PKD1L1: variants seen among roughly 807,000 people sequenced by gnomAD.
PKD1L1 encodes the protein polycystin-1-like protein 1.
PKD1L1 carries 236 observed loss-of-function variants against 323.4 expected under a neutral mutation model. The ratio of observed to expected loss-of-function variants is 0.73; its 90% CI spans 0.66 to 0.81. The LOEUF is 0.81. PKD1L1 is among the 40% of genes least tolerant of loss of function. The pLI is 0.00. For missense variants in PKD1L1, 3,320 were observed against 3,508.0 expected (o/e 0.95, Z 1.35); for synonymous variants, 1,344 against 1,335.0 (o/e 1.01, Z -0.15).
In PKD1L1 at chr7:47,885,848, C is replaced by T. The variant is rs775687442; in HGVS notation, c.3043G>A (p.Gly1015Arg). ...PRGTPTEPMTGVYWIPPAGDS... is the reference protein window; with the variant it reads ...PRGTPTEPMTRVYWIPPAGDS... ...CCCGCAGGAGGAATCCAGTAGACTC[C>T]AGTCATGGGCTCTGTGGGGGTTCCC... The change falls in exon 18 of 57, where the codon GGA becomes AGA. Residue 1015 changes from glycine to arginine, a missense_variant. By Grantham distance (125) the Gly-to-Arg change is moderately radical. Coordinates refer to ENST00000289672, the MANE Select transcript of PKD1L1 (RefSeq NM_138295.5). 19 of 1,614,084 alleles carry T rather than the reference C, an allele frequency of 1.2e-5. No individual in the cohort carries two copies. The Admixed American group carries it at 3.0e-4, about 25-fold the overall frequency.
chr7:47,809,760 G>A, intron 50 of PKD1L1, 183 bp from the exon 51 acceptor site: 1 of 454,634 alleles, frequency 2.2e-6, no homozygotes, highest in Non-Finnish European at 3.9e-6. Context: ...GGGGTGTTTG[G>A]TGCCTCTCCA....
Position 47,790,480 on chromosome 7 carries a change from G to A in PKD1L1, c.8526+2147C>T, listed in dbSNP as rs370626695. On this transcript the variant is annotated intron_variant, in intron 56 of 56. Transcript: ENST00000289672. Reference sequence around the variant, plus strand: ...CGAGTAGCTGGGACTACAGGCGCCCGCCACCATACTCGGCTAATTTTTTTG... The same window carrying A: ...CGAGTAGCTGGGACTACAGGCGCCCACCACCATACTCGGCTAATTTTTTTG... Among the ~76,000 whole-genome samples, 123 of 151,404 alleles carry A rather than the reference G, an allele frequency of 8.1e-4. 2 individuals carry two copies. The South Asian group carries it at 0.024, about 29-fold the overall frequency.
intron 16 of PKD1L1, among the ~76,000 whole-genome samples, chr7:47,888,508 G>C (rs1032937103): frequency 1.3e-5 from 2 of 152,208 alleles, no homozygotes; most frequent in South Asian, 2.1e-4. Context: ...CTCCACACTA[G>C]AGCAGTTGCC....
chr7:47,809,524 C>T lies in PKD1L1; in HGVS notation c.7635G>A (p.Met2545Ile). Residue 2545 changes from methionine (M) to isoleucine (I), a missense_variant, in exon 51 of 57, where the codon ATG becomes ATA. Transcript: ENST00000289672. ...AGTAGCTGAGGACGCCCTTGTCCAT[C>T]ATACGGTAGAGTTGAACACAGAGGT... Reference protein sequence around the residue: ...LIHLCVQLYRMMDKGVLSYWR... With the variant: ...LIHLCVQLYRIMDKGVLSYWR... The T allele has an allele frequency of 6.2e-7, 1 of 1,609,830 alleles. No homozygotes were observed. Among genetic ancestry groups the T allele is most frequent in the East Asian group, 2.2e-5 (1 of 44,762 alleles).
At chr7:47,843,345 G>T (rs1785602199) in intron 33 of PKD1L1, among the ~76,000 whole-genome samples, 176 bp from the exon 34 acceptor site, 1 of 152,160 alleles carries the variant, frequency 6.6e-6, no homozygotes, top group Non-Finnish European at 1.5e-5. Flanking sequence ...GAGCTGGCCT[G>T]TGGTCCAGTG....
At chr7:47,958,875 G>A in the PKD1L1 span, among the ~76,000 whole-genome samples, 69,795 of 151,830 alleles carry the variant, frequency 0.46, 16,774 homozygotes, top group East Asian at 0.53. Context: ...ATGCCGAGCC[G>A]AAGCTGGACT....
At chr7:47,848,490 C>T (rs1225644342) in intron 31 of PKD1L1, among the ~76,000 whole-genome samples, 4 of 152,118 alleles carry the variant, frequency 2.6e-5, no homozygotes, top group Non-Finnish European at 4.4e-5. Context: ...CAAAAAGAAA[C>T]ATCAGGAAAA....
At position 47,880,985 on chromosome 7, in the gene PKD1L1, G is replaced by C. The variant is rs9691249; in HGVS notation, c.3443-180C>G. On this transcript the variant is annotated intron_variant, in intron 20 of 56. Transcript: ENST00000289672. Reference sequence around the variant, plus strand: ...GGTTACTGCCTTCTATAAACAGCCTGTCCTGCCCAACAGAAGCATTACTGA... The same window carrying C: ...GGTTACTGCCTTCTATAAACAGCCTCTCCTGCCCAACAGAAGCATTACTGA... Among the ~76,000 whole-genome samples the C allele has an allele frequency of 0.36, 54,523 of 151,096 alleles. 11,141 individuals are homozygous for C. The highest frequency in any genetic ancestry group is 0.56 in the African/African-American group (22,923 of 41,060).
intron 41 of PKD1L1, among the ~76,000 whole-genome samples, chr7:47,832,757 G>A (rs1785373964): frequency 6.6e-6 from 1 of 152,236 alleles, no homozygotes; most frequent in South Asian, 2.1e-4. Flanking sequence ...TGAGATTCCA[G>A]CATAATTGGA....
At chr7:47,794,565 C>G (rs150274840) in intron 55 of PKD1L1, among the ~76,000 whole-genome samples, 2 of 152,166 alleles carry the variant, frequency 1.3e-5, no homozygotes, top group Non-Finnish European at 2.9e-5. Context: ...TCTGCAGGGG[C>G]GGGGCCCTTA....
At chr7:47,845,650 C>T (rs1042827043) in intron 32 of PKD1L1, among the ~76,000 whole-genome samples, 2 of 152,232 alleles carry the variant, frequency 1.3e-5, no homozygotes, top group African/African-American at 2.4e-5. Flanking sequence ...AATGCAGTGG[C>T]GTGATTTCAG....
chr7:47,837,164 A>G (rs1785477743), intron 36 of PKD1L1, 70 bp from the exon 37 acceptor site: 1 of 1,539,060 alleles, frequency 6.5e-7, no homozygotes, highest in African/African-American at 1.4e-5. Flanking sequence ...AGTACTGTTA[A>G]GCAGTGATCT....
chr7:47,886,130 T>A lies in PKD1L1; in HGVS notation c.2837-76A>T, dbSNP rs1314709434. On this transcript the variant is annotated intron_variant, in intron 17 of 56. Coordinates refer to ENST00000289672, the MANE Select transcript of PKD1L1 (RefSeq NM_138295.5). ...ATTTGCTTAAAAAGTCTACAGACTATGTAAGGATGCTATATTATAAACAAA... is the reference window on the plus strand; with the variant it reads ...ATTTGCTTAAAAAGTCTACAGACTAAGTAAGGATGCTATATTATAAACAAA... The A allele has an allele frequency of 5.1e-5, 77 of 1,502,332 alleles. No individual in the cohort carries two copies. In the East Asian group the frequency reaches 1.7e-3, roughly 34 times the overall value. The allele number at this position is 1,502,332 out of a possible 1,614,324, so 93.1% of individuals were successfully genotyped here. A position where few individuals can be genotyped will look rare whatever the true frequency, so the allele number is the denominator to read the frequency against.
chr7:47,882,311 T>G (rs1786577677), intron 19 of PKD1L1, among the ~76,000 whole-genome samples: 1 of 134,612 alleles, frequency 7.4e-6, no homozygotes, highest in Non-Finnish European at 1.6e-5. Flanking sequence ...CCTCCCTTCC[T>G]ATCTTCCTTC....
chr7:47,845,112 T>G (rs530844041), intron 32 of PKD1L1, 34 bp from the exon 33 acceptor site: 1 of 1,570,686 alleles, frequency 6.4e-7, no homozygotes, highest in African/African-American at 1.4e-5. Context: ...ATACAGAATG[T>G]GTGGAGAGAG....
At chr7:47,860,700 C>CT (rs1379169677) in intron 26 of PKD1L1, among the ~76,000 whole-genome samples, 3 of 152,162 alleles carry the variant, frequency 2.0e-5, no homozygotes, top group Admixed American at 1.3e-4. Context: ...ACAATGCCCA[C>CT]TTTTTTGACC....
intron 12 of PKD1L1, 80 bp from the exon 13 acceptor site, chr7:47,902,591 A>G: frequency 6.8e-7 from 1 of 1,476,566 alleles, no homozygotes; most frequent in Non-Finnish European, 9.2e-7. Flanking sequence ...ATACCCACTC[A>G]TATCTGCAGA....
intron 31 of PKD1L1, among the ~76,000 whole-genome samples, chr7:47,851,202 T>C (rs902370805): frequency 5.9e-5 from 9 of 152,160 alleles, no homozygotes; most frequent in East Asian, 5.8e-4. Flanking sequence ...CCAAGCCTCA[T>C]TGAGGACATG....
At chr7:47,915,287 C>T in intron 8 of PKD1L1, 145 bp downstream of exon 8, 1 of 551,600 alleles carries the variant, frequency 1.8e-6, no homozygotes. Flanking sequence ...ATTAACCTAA[C>T]AATGCCACAC....
Sources: allele counts gnomAD v4.1 joint callset (sites outside exome capture counted in the v4.1 genomes callset), GRCh38; gene constraint gnomAD v4.1.1; transcripts MANE v1.5; gene names NCBI Gene and HGNC (gene_info 2026-07-23, HGNC 2026-07-21).